TRMT9B: variants seen among roughly 807,000 people sequenced by gnomAD.
The protein encoded by TRMT9B is tRNA methyltransferase 9B (putative).
Under a neutral mutation model 11.5 loss-of-function variants are expected in TRMT9B, and 16 were observed. The observed-to-expected ratio is 1.39, with a 90% confidence interval of 0.94 to 2.11. TRMT9B has a LOEUF of 2.11. Among genes scored for constraint, TRMT9B ranks in the 30% most tolerant of loss-of-function variants. The pLI is 0.00. For missense variants in TRMT9B, 941 were observed against 553.8 expected, an observed-to-expected ratio of 1.70 and a Z score of -7.02; for synonymous variants, 274 against 192.4, an observed-to-expected ratio of 1.42 and a Z score of -3.51.
chr8:13,017,235 A>G (rs919116869), intron 4 of TRMT9B, among the ~76,000 whole-genome samples: 1 of 152,216 alleles, frequency 6.6e-6, no homozygotes, highest in Non-Finnish European at 1.5e-5. Context: ...GAGGCGAGGC[A>G]TGTACACTTG....
At chr8:13,016,250 A>T (rs1321476076) in intron 4 of TRMT9B, among the ~76,000 whole-genome samples, 2 of 146,672 alleles carry the variant, frequency 1.4e-5, no homozygotes, top group East Asian at 3.9e-4. Context: ...TATAAAATAT[A>T]AATGTGAAAT....
chr8:12,972,928 G>C (rs78445697), intron 1 of TRMT9B, among the ~76,000 whole-genome samples: 1 of 152,072 alleles, frequency 6.6e-6, no homozygotes, highest in Admixed American at 6.5e-5. Flanking sequence ...ATGATCCATC[G>C]TCAGAACTTT....
intron 1 of TRMT9B, among the ~76,000 whole-genome samples, chr8:12,978,734 G>T (rs1804863056): frequency 6.6e-6 from 1 of 152,156 alleles, no homozygotes; most frequent in African/African-American, 2.4e-5. Context: ...TCTCAACTCT[G>T]GTTAGGCCAC....
intron 1 of TRMT9B, among the ~76,000 whole-genome samples, chr8:12,965,674 T>C (rs1802715875): frequency 6.6e-6 from 1 of 151,938 alleles, no homozygotes; most frequent in African/African-American, 2.4e-5. Context: ...GTGGAGGAGC[T>C]TGTGGAGACA....
intron 1 of TRMT9B, among the ~76,000 whole-genome samples, chr8:12,981,304 C>T (rs1329139492): frequency 6.6e-6 from 1 of 152,196 alleles, no homozygotes; most frequent in Non-Finnish European, 1.5e-5. Context: ...AAGTCATTGG[C>T]TGGCTACTTC....
At position 13,012,730 on chromosome 8, in the gene TRMT9B, C is replaced by A. The variant is rs764475691; in HGVS notation, c.201C>A (p.Thr67=). The A allele has an allele frequency of 2.4e-5, 39 of 1,613,890 alleles. No individual in the cohort carries two copies. In the South Asian group the frequency reaches 3.7e-4, roughly 15 times the overall value. Residue 67 remains threonine, a synonymous_variant, in exon 4 of 5, where the codon ACC becomes ACA. Coordinates refer to ENST00000524591, the MANE Select transcript of TRMT9B (RefSeq NM_020844.3). ...TTAAAGTGAACAGCCAGGTACATAC[C>A]GTGGGCTGTGACTACTGTGGGCCAC... ...KYLKVNSQVH[T]VGCDYCGPLV...
intron 2 of TRMT9B, among the ~76,000 whole-genome samples, chr8:13,003,391 T>C (rs545231037): frequency 6.6e-6 from 1 of 152,308 alleles, no homozygotes; most frequent in South Asian, 2.1e-4. Flanking sequence ...TGTGCTTTTC[T>C]TACTCCTTCC....
At chr8:12,994,270 G>T (rs1807931064) in intron 2 of TRMT9B, among the ~76,000 whole-genome samples, 1 of 152,210 alleles carries the variant, frequency 6.6e-6, no homozygotes, top group South Asian at 2.1e-4. Flanking sequence ...CAGAATCTTA[G>T]ATCTCCAAAA....
rs540366390 is a variant in TRMT9B at position 13,026,493 on chromosome 8, C to A, written c.*4449C>A. On this transcript the variant is annotated 3_prime_UTR_variant, in exon 5 of 5. Transcript: ENST00000524591. ...GGTTGTGCGGCTGGGGCCTCACTTCCCCTCCTTCCCCTTCTCCTGGTCCCC... is the reference window on the plus strand; with the variant it reads ...GGTTGTGCGGCTGGGGCCTCACTTCACCTCCTTCCCCTTCTCCTGGTCCCC... 6.0e-6 allele frequency: 1 copy of A among 166,896 alleles called. No individual in the cohort carries two copies. The highest frequency in any genetic ancestry group is 1.9e-4 in the East Asian group (1 of 5,186). The allele number at this position is 166,896 out of a possible 1,614,324, so 10.3% of individuals were successfully genotyped here.
At chr8:13,011,636 A>T (rs17123407) in intron 3 of TRMT9B, 251,935 of 969,850 alleles carry the variant, frequency 0.26, 33,966 homozygotes, top group African/African-American at 0.43. Context: ...GTTACTACCT[A>T]CCTCAATCAT....
Position 13,006,275 on chromosome 8 carries a change from A to G in TRMT9B, c.73A>G (p.Ser25Gly). The G allele has an allele frequency of 1.2e-6, 2 of 1,613,940 alleles. No homozygotes were observed. The highest frequency in any genetic ancestry group is 8.5e-7 in the Non-Finnish European group (1 of 1,179,872). Residue 25 changes from serine to glycine, a missense_variant, in exon 3 of 5, where the codon AGC becomes GGC. Physicochemically the swap from Ser to Gly is moderately conservative, Grantham distance 56. Coordinates refer to ENST00000524591, the MANE Select transcript of TRMT9B (RefSeq NM_020844.3). ...NVYESTAPYF[S>G]DLQSKAWPRV... ...GTACGAGAGCACAGCCCCTTACTTCAGCGACCTGCAGAGCAAAGCCTGGCC... is the reference window on the plus strand; with the variant it reads ...GTACGAGAGCACAGCCCCTTACTTCGGCGACCTGCAGAGCAAAGCCTGGCC...
chr8:13,010,128 A>T, intron 3 of TRMT9B: 1 of 433,722 alleles, frequency 2.3e-6, no homozygotes. Flanking sequence ...GCATAGTGAG[A>T]CCCTATCTGA....
chr8:13,002,921 T>C (rs1457634783), intron 2 of TRMT9B, among the ~76,000 whole-genome samples: 3 of 152,100 alleles, frequency 2.0e-5, no homozygotes, highest in African/African-American at 7.2e-5. Context: ...TTTGCAGGTG[T>C]AGTGTCCCCT....
At position 13,026,762 on chromosome 8, in the gene TRMT9B, T is replaced by G. The variant is rs1031167778; in HGVS notation, c.*4718T>G. The G allele has an allele frequency of 6.0e-6, 1 of 167,212 alleles. No homozygotes were observed. Among genetic ancestry groups the G allele is most frequent in the Admixed American group, 6.5e-5 (1 of 15,296 alleles). 10.4% of individuals were successfully genotyped at this position (167,212 alleles called of 1,614,324 possible). ...GGGATTCAAACCCAGGTCTGGCTCC[T>G]AGTCTCTGCTCTTAACCACAACACC... On this transcript the variant is annotated 3_prime_UTR_variant, in exon 5 of 5. Transcript: ENST00000524591.
chr8:12,954,519 T>A (rs531289909), intron 1 of TRMT9B, among the ~76,000 whole-genome samples: 6 of 152,260 alleles, frequency 3.9e-5, no homozygotes, highest in Non-Finnish European at 7.3e-5. Flanking sequence ...AAGCTCTCAT[T>A]GCGATTAAGC....
chr8:12,979,449 C>A (rs897179648), intron 1 of TRMT9B, among the ~76,000 whole-genome samples: 1 of 151,734 alleles, frequency 6.6e-6, no homozygotes, highest in Admixed American at 6.6e-5. Context: ...GCACTCCAGG[C>A]TGGGCGACAG....
At chr8:13,004,722 T>A (rs570251251) in intron 2 of TRMT9B, among the ~76,000 whole-genome samples, 3 of 152,138 alleles carry the variant, frequency 2.0e-5, no homozygotes, top group East Asian at 3.9e-4. Context: ...TGGCTCCAGA[T>A]GCGACTTAGC....
intron 2 of TRMT9B, among the ~76,000 whole-genome samples, chr8:12,996,690 G>A (rs1808402285): frequency 6.6e-6 from 1 of 152,156 alleles, no homozygotes; most frequent in South Asian, 2.1e-4. Context: ...CTGCCTCAAA[G>A]CAAAAGGGGG....
At chr8:13,001,559 T>A (rs1365976682) in intron 2 of TRMT9B, among the ~76,000 whole-genome samples, 1 of 152,238 alleles carries the variant, frequency 6.6e-6, no homozygotes, top group Non-Finnish European at 1.5e-5. Flanking sequence ...TTGGGGACAT[T>A]CTTAAATTGG....
Sources: gnomAD v4.1 joint callset for allele counts (sites outside exome capture counted in the v4.1 genomes callset) on GRCh38, gnomAD v4.1.1 for gene constraint, MANE v1.5 for transcripts, NCBI Gene and HGNC (gene_info 2026-07-23, HGNC 2026-07-21) for gene names.